The following INTS11 variants were observed in gnomAD, a reference collection of about 807,000 sequenced individuals.
The protein encoded by INTS11 is integrator complex subunit 11, also known as CPSF3-like protein.
In INTS11, 77 loss-of-function variants were observed where a neutral mutation model predicts 78.6. That is an observed-to-expected ratio of 0.98 (90% CI 0.81 to 1.18). INTS11 has a LOEUF of 1.18. INTS11 is among the 50% of genes most tolerant of loss of function. The probability of loss-of-function intolerance (pLI) is 0.00; values close to 1 mark genes in which losing one functional copy is unlikely to be tolerated. For missense variants in INTS11, 875 were observed against 825.9 expected, an observed-to-expected ratio of 1.06 and a Z score of -0.73; for synonymous variants, 441 against 326.9, an observed-to-expected ratio of 1.35 and a Z score of -3.77.
chr1:1,312,076 G>A lies in INTS11; in HGVS notation c.1679C>T (p.Ala560Val). 3 of 1,574,266 alleles carry A rather than the reference G, an allele frequency of 1.9e-6. No individual in the cohort carries two copies. The highest frequency in any genetic ancestry group is 2.3e-5 in the East Asian group (1 of 43,942). The change falls in exon 16 of 17, where the codon GCC (alanine) becomes GTC (valine). Residue 560 changes from alanine (A) to valine (V), a missense_variant. Coordinates refer to ENST00000435064, the MANE Select transcript of INTS11 (RefSeq NM_017871.6). Reference sequence around the variant, plus strand: ...GCCTGGGTCCTCAGAAGGGGCGGCGGCCTGGAGGAGGACGGACTCCACAGT... The same window carrying A: ...GCCTGGGTCCTCAGAAGGGGCGGCGACCTGGAGGAGGACGGACTCCACAGT... ...SVTVESVLLQAAAPSEDPGTK... is the reference protein window; with the variant it reads ...SVTVESVLLQVAAPSEDPGTK...
intron 12 of INTS11, 42 bp from the exon 13 acceptor site, chr1:1,312,742 G>C (rs542145912): frequency 6.3e-7 from 1 of 1,593,650 alleles, no homozygotes. Flanking sequence ...CAGGCTGCCC[G>C]TGCTGACCCG....
Position 1,312,627 on chromosome 1 carries a change from G to A in INTS11, c.1368C>T (p.Ile456=), listed in dbSNP as rs760575200. 2.5e-6 allele frequency: 4 copies of A among 1,584,044 alleles called. No individual in the cohort carries two copies. The East Asian group carries it at 6.8e-5, about 27-fold the overall frequency. ...TCTCCCGCTTCAGCAGCCCCAGCGA[G>A]ATGCCTACGGGGATGCTGGGGCTTG... ...LPTSPSIPVG[I]SLGLLKREMA... Residue 456 remains isoleucine (I), a synonymous_variant, in exon 13 of 17, where the codon ATC becomes ATT. Transcript: ENST00000435064.
At position 1,313,871 on chromosome 1, in the gene INTS11, T is replaced by G; in HGVS notation, c.818A>C (p.Glu273Ala). 1 of 1,613,226 alleles carries G rather than the reference T, an allele frequency of 6.2e-7. No individual in the cohort carries two copies. Among genetic ancestry groups the G allele is most frequent in the Non-Finnish European group, 8.5e-7 (1 of 1,179,940 alleles). ...VPIYFSTGLT[E>A]KANHYYKLFI... The stretch of plus-strand genomic sequence containing the variant: ...CAGCTTGTAGTAGTGGTTGGCCTTC[T>G]CGGTCAGCCCCGTGGAGAAGTAGAT... Residue 273 changes from glutamate to alanine, a missense_variant, in exon 9 of 17, where the codon GAG becomes GCG. Physicochemically the swap from Glu to Ala is moderately radical, Grantham distance 107 (BLOSUM62 -1). Coordinates refer to ENST00000435064, the MANE Select transcript of INTS11 (RefSeq NM_017871.6).
In INTS11 at chr1:1,314,465, C is replaced by T; in HGVS notation, c.703-100G>A. 2.8e-6 allele frequency: 3 copies of T among 1,060,288 alleles called. No individual in the cohort carries two copies. The highest frequency in any genetic ancestry group is 2.6e-5 in the East Asian group (1 of 38,262). The allele number at this position is 1,060,288 out of a possible 1,614,324, so 65.7% of individuals were successfully genotyped here. ...GCCAGGTGCCCAAGAGCTGCGGCCT[C>T]ATAGGGACCTTAGCCTCTCATCTGC... On this transcript the variant is annotated intron_variant, in intron 7 of 16. Transcript: ENST00000435064. The surrounding 1 kb of genome is among the most constrained non-coding windows in gnomAD (Gnocchi z 4.2).
At chr1:1,324,536 G>A in intron 1 of INTS11, 45 bp downstream of exon 1, 2 of 1,569,152 alleles carry the variant, frequency 1.3e-6, no homozygotes, top group Admixed American at 1.8e-5. Flanking sequence ...GCCCGGAGCC[G>A]CATACGGAGC....
At chr1:1,321,845 A>C in intron 1 of INTS11, 1 of 1,201,014 alleles carries the variant, frequency 8.3e-7, no homozygotes. Context: ...CGGCCCCTGC[A>C]CAGACTGTGC....
chr1:1,312,213 G>GGGGGGGGCCCCCCCCCCCC lies in INTS11; in HGVS notation c.1607+12_1607+13insGGGGGGGGGGGGCCCCCCC. 3 of 934,402 alleles carry GGGGGGGGCCCCCCCCCCCC rather than the reference G, an allele frequency of 3.2e-6. No individual in the cohort carries two copies. Among genetic ancestry groups the GGGGGGGGCCCCCCCCCCCC allele is most frequent in the Non-Finnish European group, 4.7e-6 (3 of 636,464 alleles). The allele number at this position is 934,402 out of a possible 1,614,324, so 57.9% of individuals were successfully genotyped here. A position where few individuals can be genotyped will look rare whatever the true frequency, so the allele number is the denominator to read the frequency against. ...CCCAAGGGAGTGGGGGGGGGGCGGG[G>GGGGGGGGCCCCCCCCCCCC]CCGGGCGCCCACCTCTTGAGGTGGC... On this transcript the variant is annotated intron_variant, in intron 15 of 16. Coordinates refer to ENST00000435064, the MANE Select transcript of INTS11 (RefSeq NM_017871.6).
At chr1:1,317,428 G>A in intron 4 of INTS11, 1 of 944,072 alleles carries the variant, frequency 1.1e-6, no homozygotes, top group Non-Finnish European at 1.3e-6. Flanking sequence ...GAATTCAACA[G>A]ATGAATTTAA....
Position 1,314,167 on chromosome 1 carries a change from A to C in INTS11, c.767+134T>G, listed in dbSNP as rs1570713689. 1.1e-6 allele frequency: 1 copy of C among 903,628 alleles called. No individual in the cohort carries two copies. Among genetic ancestry groups the C allele is most frequent in the South Asian group, 1.4e-5 (1 of 69,278 alleles). 56.0% of individuals were successfully genotyped at this position (903,628 alleles called of 1,614,324 possible). A position where few individuals can be genotyped will look rare whatever the true frequency, so the allele number is the denominator to read the frequency against. ...CACAGGCTTCCTGGGGTCACACAGC[A>C]CACGAGCGGCCCCCCAGGACAGCAG... is the stretch of plus-strand genomic sequence containing the variant. On this transcript the variant is annotated intron_variant, in intron 8 of 16. Transcript: ENST00000435064. This position sits in a 1 kb window ranked among gnomAD's most constrained non-coding sequence, Gnocchi z 4.2.
At chr1:1,319,622 G>T in intron 3 of INTS11, 98 bp from the exon 4 acceptor site, 1 of 788,350 alleles carries the variant, frequency 1.3e-6, no homozygotes, top group South Asian at 1.8e-5. Context: ...TTCGCCTGCT[G>T]TGCGCCAGGC....
intron 1 of INTS11, among the ~76,000 whole-genome samples, chr1:1,321,354 C>T (rs1642936205): frequency 6.6e-6 from 1 of 152,232 alleles, no homozygotes; most frequent in Non-Finnish European, 1.5e-5. Flanking sequence ...TTAAGGTGGC[C>T]ACGGCCTGCT....
intron 1 of INTS11, chr1:1,323,238 C>T (rs1483252005): frequency 2.6e-6 from 4 of 1,550,108 alleles, no homozygotes; most frequent in Non-Finnish European, 3.5e-6. Context: ...GTGCCCTCGA[C>T]CCCCTGCCCG....
chr1:1,322,235 G>T (rs1243698020), intron 1 of INTS11, among the ~76,000 whole-genome samples: 1 of 151,662 alleles, frequency 6.6e-6, no homozygotes, highest in Admixed American at 6.6e-5. Context: ...CTGGTTTTCT[G>T]AATTCCAAAG....
At position 1,311,782 on chromosome 1, in the gene INTS11, C is replaced by G; in HGVS notation, c.*77G>C. ...TGCAGGGTCTGTTCACCCAGGGCAC[C>G]CACAGTCCTGAAGTGCAGGCCCAGG... On this transcript the variant is annotated 3_prime_UTR_variant, in exon 17 of 17. Transcript: ENST00000435064. 4.2e-6 allele frequency: 6 copies of G among 1,432,532 alleles called. No homozygotes were observed. The highest frequency in any genetic ancestry group is 3.9e-4 in the Middle Eastern group (2 of 5,116). The allele number at this position is 1,432,532 out of a possible 1,614,324, so 88.7% of individuals were successfully genotyped here.
rs527463409 is a variant in INTS11, at chr1:1,313,240, C to T, written c.1042-116G>A. 4.5e-4 allele frequency: 547 copies of T among 1,219,578 alleles called. 1 individual carries two copies. The highest frequency in any genetic ancestry group is 3.0e-3 in the African/African-American group (199 of 67,000). The allele number at this position is 1,219,578 out of a possible 1,614,324, so 75.5% of individuals were successfully genotyped here. On this transcript the variant is annotated intron_variant, in intron 10 of 16. Coordinates refer to ENST00000435064, the MANE Select transcript of INTS11 (RefSeq NM_017871.6). ...GCTGTTTCCACCTGCCAGCGGCGCC[C>T]GACCAAGCCTAGCTGCAGACTCCAA...
intron 8 of INTS11, 22 bp from the exon 9 acceptor site, chr1:1,313,943 A>G: frequency 6.2e-7 from 1 of 1,605,754 alleles, no homozygotes; most frequent in African/African-American, 1.3e-5. Flanking sequence ...CGGCCCAGTC[A>G]GCACAGTGGC....
chr1:1,314,027 G>A lies in INTS11; in HGVS notation c.768-106C>T, dbSNP rs1005004764. 2.3e-5 allele frequency: 28 copies of A among 1,192,548 alleles called. No individual in the cohort carries two copies. The highest frequency in any genetic ancestry group is 1.7e-4 in the African/African-American group (11 of 66,154). 73.9% of individuals were successfully genotyped at this position (1,192,548 alleles called of 1,614,324 possible). A position where few individuals can be genotyped will look rare whatever the true frequency, so the allele number is the denominator to read the frequency against. On this transcript the variant is annotated intron_variant, in intron 8 of 16. Coordinates refer to ENST00000435064, the MANE Select transcript of INTS11 (RefSeq NM_017871.6). This position sits in a 1 kb window ranked among gnomAD's most constrained non-coding sequence, Gnocchi z 4.2. Reference sequence around the variant, plus strand: ...ACCCGTGTCTGCACAGCCCACGCACGGGCCAGGTTGAGTCCAGTCGCGACC... The same window carrying A: ...ACCCGTGTCTGCACAGCCCACGCACAGGCCAGGTTGAGTCCAGTCGCGACC...
intron 3 of INTS11, 70 bp from the exon 4 acceptor site, chr1:1,319,594 G>GACCCACAAGCCCA: frequency 8.9e-7 from 1 of 1,127,610 alleles, no homozygotes; most frequent in Non-Finnish European, 1.3e-6. Context: ...CTGGGCTTGT[G>GACCCACAAGCCCA]GGTCACTGGC....
intron 15 of INTS11, 28 bp downstream of exon 15, chr1:1,312,198 T>TGA: frequency 1.9e-6 from 2 of 1,078,598 alleles, no homozygotes; most frequent in South Asian, 1.5e-5. Flanking sequence ...CCCAAGGGAG[T>TGA]GGGGGGGGGG....
Sources: gnomAD v4.1 joint callset for allele counts (sites outside exome capture counted in the v4.1 genomes callset) on GRCh38, gnomAD v4.1.1 for gene constraint, Gnocchi (gnomAD v3.1) non-coding constraint, MANE v1.5 for transcripts, NCBI Gene and HGNC (gene_info 2026-07-23, HGNC 2026-07-21) for gene names.